The following NCOA2 variants were observed in gnomAD, a reference collection of about 807,000 sequenced individuals.
The protein encoded by NCOA2 is class E basic helix-loop-helix protein 75.
NCOA2 carries 21 observed loss-of-function variants against 145.1 expected under a neutral mutation model. The ratio of observed to expected loss-of-function variants is 0.14; its 90% CI spans 0.10 to 0.21. The LOEUF is 0.21. Among genes scored for constraint, NCOA2 ranks in the 10% least tolerant of loss-of-function variants. NCOA2 has a pLI of 1.00. For synonymous variants in NCOA2, 619 were observed against 637.5 expected, an observed-to-expected ratio of 0.97 and a Z score of 0.44; for missense variants, 1,472 against 1,837.6, an observed-to-expected ratio of 0.80 and a Z score of 3.64.
intron 1 of NCOA2, among the ~76,000 whole-genome samples, chr8:70,300,370 A>G (rs1827395351): frequency 1.3e-5 from 2 of 152,240 alleles, no homozygotes; most frequent in African/African-American, 2.4e-5. Context: ...ATTTTTCACA[A>G]ATGCACCTGT....
At chr8:70,418,825 A>C in the NCOA2 span, among the ~76,000 whole-genome samples, 1 of 152,184 alleles carries the variant, frequency 6.6e-6, no homozygotes, top group Non-Finnish European at 1.5e-5. Flanking sequence ...AATCTAACTC[A>C]CTTTCTTTGG....
intron 4 of NCOA2, among the ~76,000 whole-genome samples, chr8:70,191,353 A>G (rs1425467246): frequency 6.6e-6 from 1 of 152,246 alleles, no homozygotes; most frequent in Non-Finnish European, 1.5e-5. Flanking sequence ...CTGGTTAGCC[A>G]GGTAATGTAC....
intron 11 of NCOA2, 48 bp downstream of exon 11, chr8:70,155,923 T>C (rs751244907): frequency 2.1e-6 from 3 of 1,444,992 alleles, no homozygotes; most frequent in South Asian, 2.8e-5. Context: ...AGAAAATCCT[T>C]GATGGATACA....
At chr8:70,181,650 G>A (rs980345781) in intron 4 of NCOA2, among the ~76,000 whole-genome samples, 2 of 152,218 alleles carry the variant, frequency 1.3e-5, no homozygotes, top group African/African-American at 4.8e-5. Context: ...GATACTTTGT[G>A]TAGGTTTTAT....
intron 1 of NCOA2, among the ~76,000 whole-genome samples, chr8:70,358,169 T>C (rs1809902442): frequency 6.6e-6 from 1 of 152,156 alleles, no homozygotes; most frequent in South Asian, 2.1e-4. Context: ...TTAATACTGT[T>C]AAAATGGTAA....
chr8:70,387,332 G>A (rs758250935), intron 1 of NCOA2, among the ~76,000 whole-genome samples: 3 of 152,102 alleles, frequency 2.0e-5, no homozygotes, highest in Non-Finnish European at 4.4e-5. Context: ...TGCCATGTTG[G>A]CAATATCAGA....
chr8:70,428,731 C>G, the NCOA2 span, among the ~76,000 whole-genome samples: 3 of 152,102 alleles, frequency 2.0e-5, no homozygotes, highest in Admixed American at 6.5e-5. Flanking sequence ...TCAATGATGA[C>G]AGGAGACAGG....
intron 2 of NCOA2, among the ~76,000 whole-genome samples, chr8:70,245,855 G>A (rs1211699923): frequency 6.6e-6 from 1 of 152,048 alleles, no homozygotes; most frequent in African/African-American, 2.4e-5. Flanking sequence ...ATATAAATCT[G>A]ACAAATCTGG....
intron 6 of NCOA2, among the ~76,000 whole-genome samples, chr8:70,169,304 A>G (rs890106664): frequency 6.6e-6 from 1 of 152,218 alleles, no homozygotes; most frequent in Non-Finnish European, 1.5e-5. Context: ...GAAATTCCAG[A>G]CAGGGAGAGT....
chr8:70,451,492 C>A, the NCOA2 span, among the ~76,000 whole-genome samples: 151 of 151,572 alleles, frequency 1.0e-3, no homozygotes, highest in African/African-American at 3.5e-3. Flanking sequence ...TTCTAAGCCA[C>A]CGTAGTACAC....
At chr8:70,396,393 T>G (rs1329848378) in intron 1 of NCOA2, among the ~76,000 whole-genome samples, 1 of 152,202 alleles carries the variant, frequency 6.6e-6, no homozygotes, top group Non-Finnish European at 1.5e-5. Flanking sequence ...CCTACTCTTT[T>G]CCTTTTCACT....
the NCOA2 span, among the ~76,000 whole-genome samples, chr8:70,451,734 C>T: frequency 3.3e-5 from 5 of 152,170 alleles, no homozygotes; most frequent in Non-Finnish European, 7.4e-5. Context: ...TGCTGGATCA[C>T]GATCCTCCAC....
intron 2 of NCOA2, chr8:70,273,427 GC>G: frequency 1.4e-6 from 1 of 725,986 alleles, no homozygotes; most frequent in Non-Finnish European, 2.2e-6. Context: ...AGGCAAAAGT[GC>G]CCATTGGTGG....
intron 1 of NCOA2, among the ~76,000 whole-genome samples, chr8:70,363,022 T>C (rs951529951): frequency 1.4e-5 from 2 of 143,710 alleles, no homozygotes; most frequent in African/African-American, 5.2e-5. Flanking sequence ...GAGGCTACAG[T>C]GAGCTGTGAT....
At chr8:70,126,754 A>G in intron 19 of NCOA2, 59 bp downstream of exon 19, 1 of 1,409,142 alleles carries the variant, frequency 7.1e-7, no homozygotes. Context: ...GTGACCCAAC[A>G]CTGGGGGACA....
the NCOA2 span, among the ~76,000 whole-genome samples, chr8:70,450,573 C>T: frequency 1.4e-3 from 136 of 94,570 alleles, no homozygotes; most frequent in East Asian, 2.8e-3. Flanking sequence ...TCTTTTTATT[C>T]TTTTTTTTTT....
intron 2 of NCOA2, among the ~76,000 whole-genome samples, chr8:70,238,194 G>A (rs891689138): frequency 6.6e-6 from 1 of 152,110 alleles, no homozygotes; most frequent in African/African-American, 2.4e-5. Context: ...TTAGGAAGAG[G>A]AAACATACGT....
chr8:70,168,157 C>T (rs1813844904), intron 6 of NCOA2, among the ~76,000 whole-genome samples: 1 of 152,076 alleles, frequency 6.6e-6, no homozygotes, highest in African/African-American at 2.4e-5. Context: ...CCAGTGAACC[C>T]AAAGAGCCCA....
At chr8:70,151,659 TAA>T (rs1811763644) in intron 11 of NCOA2, among the ~76,000 whole-genome samples, 2 of 152,286 alleles carry the variant, frequency 1.3e-5, no homozygotes, top group African/African-American at 4.8e-5. Context: ...TATGAAGGCT[TAA>T]AACTATGAAC....
Sources: allele counts gnomAD v4.1 joint callset (sites outside exome capture counted in the v4.1 genomes callset), GRCh38; gene constraint gnomAD v4.1.1; transcripts MANE v1.5; gene names NCBI Gene and HGNC (gene_info 2026-07-23, HGNC 2026-07-21).